Variants in TRPM7 observed in about 807,000 individuals in gnomAD.
TRPM7 encodes the protein transient receptor potential cation channel subfamily M member 7.
Under a neutral mutation model 229.7 loss-of-function variants are expected in TRPM7, and 134 were observed. The observed-to-expected ratio is 0.58, with a 90% confidence interval of 0.51 to 0.67. TRPM7 has a LOEUF of 0.67. Among genes scored for constraint, TRPM7 ranks in the 30% least tolerant of loss-of-function variants. TRPM7 has a pLI of 0.00. For synonymous variants in TRPM7, 699 were observed against 715.2 expected (o/e 0.98, Z 0.36); for missense variants, 1,901 against 2,210.0 (o/e 0.86, Z 2.80).
intron 38 of TRPM7, among the ~76,000 whole-genome samples, chr15:50,565,425 T>C (rs967564843): frequency 4.6e-5 from 7 of 152,260 alleles, no homozygotes; most frequent in Middle Eastern, 3.4e-3. Flanking sequence ...ATGAAAACAT[T>C]AATCAAAAGA....
chr15:50,684,996 T>A (rs963436220), intron 1 of TRPM7, among the ~76,000 whole-genome samples: 2 of 152,236 alleles, frequency 1.3e-5, no homozygotes, highest in Non-Finnish European at 2.9e-5. Context: ...AGTCCTTGTC[T>A]TTTTAGACAT....
intron 38 of TRPM7, among the ~76,000 whole-genome samples, chr15:50,569,218 G>T (rs1297649376): frequency 6.6e-6 from 1 of 151,954 alleles, no homozygotes; most frequent in Non-Finnish European, 1.5e-5. Context: ...TTTTTTTAAA[G>T]TTCCACAGGG....
intron 31 of TRPM7, among the ~76,000 whole-genome samples, chr15:50,577,856 T>A (rs569410368): frequency 1.3e-5 from 2 of 152,298 alleles, no homozygotes; most frequent in South Asian, 4.1e-4. Flanking sequence ...TATATTTACA[T>A]AAGAAAATTT....
In TRPM7 at chr15:50,574,387, T is replaced by C. The variant is rs2054038357; in HGVS notation, c.5195A>G (p.Asn1732Ser). 6.2e-7 allele frequency: 1 copy of C among 1,613,798 alleles called. No homozygotes were observed. Reference sequence around the variant, plus strand: ...TGGAATAATCTCATCTCCATTATTATTGTTGTATTTTCTAAATTCTCCAGT... The same window carrying C: ...TGGAATAATCTCATCTCCATTATTACTGTTGTATTTTCTAAATTCTCCAGT... Reference protein sequence around the residue: ...CMTGEFRKYNNNNGDEIIPTN... With the variant: ...CMTGEFRKYNSNNGDEIIPTN... The change falls in exon 36 of 39, where the codon AAT (asparagine) becomes AGT (serine). Residue 1732 changes from asparagine to serine, a missense_variant. Coordinates refer to ENST00000646667, the MANE Select transcript of TRPM7 (RefSeq NM_017672.6).
intron 4 of TRPM7, among the ~76,000 whole-genome samples, chr15:50,644,797 CAAAAA>C (rs201997665): frequency 1.7e-3 from 107 of 64,824 alleles, no homozygotes; most frequent in African/African-American, 8.8e-3. Flanking sequence ...AACTGCGTCT[CAAAAA>C]AAAAAAAAAA....
At chr15:50,598,149 A>G (rs1482063829) in intron 22 of TRPM7, among the ~76,000 whole-genome samples, 1 of 152,168 alleles carries the variant, frequency 6.6e-6, no homozygotes, top group Non-Finnish European at 1.5e-5. Flanking sequence ...GGAAGGGAGT[A>G]ACACAGATAT....
intron 1 of TRPM7, among the ~76,000 whole-genome samples, chr15:50,679,539 T>TA (rs1491586861): frequency 0.012 from 276 of 22,212 alleles, 1 homozygote; most frequent in Middle Eastern, 0.025. Context: ...TATATATATA[T>TA]TTTTTTTTTT....
chr15:50,649,159 A>C (rs972042690), intron 3 of TRPM7, among the ~76,000 whole-genome samples: 1 of 152,194 alleles, frequency 6.6e-6, no homozygotes, highest in Non-Finnish European at 1.5e-5. Flanking sequence ...AATAGTATTT[A>C]CACCGGCTGT....
At position 50,578,655 on chromosome 15, in the gene TRPM7, T is replaced by C. The variant is rs773998246; in HGVS notation, c.4602A>G (p.Glu1534=). ...CAGACTCACCATTTAATGTTCCTTC[T>C]TCAGATGGCCTAAAGAAACACCAAA... ...DRPSNREMPS[E]EGTLNGLTSP... is the part of the protein sequence containing the mutation. The change falls in exon 31 of 39, where the codon GAA becomes GAG. Residue 1534 remains glutamate, a synonymous_variant. Transcript: ENST00000646667. 3 of 1,609,208 alleles carry C rather than the reference T, an allele frequency of 1.9e-6. No homozygotes were observed. Among genetic ancestry groups the C allele is most frequent in the Admixed American group, 1.7e-5 (1 of 59,908 alleles).
In TRPM7 at chr15:50,561,652, A is replaced by G; in HGVS notation, c.*26T>C. Reference sequence around the variant, plus strand: ...GTAACATTTCTGTGAGGTGCAGGCAAAACCAATGATTCAGTAATATTAATA... The same window carrying G: ...GTAACATTTCTGTGAGGTGCAGGCAGAACCAATGATTCAGTAATATTAATA... On this transcript the variant is annotated 3_prime_UTR_variant, in exon 39 of 39. Transcript: ENST00000646667. 1 of 1,601,178 alleles carries G rather than the reference A, an allele frequency of 6.2e-7. No homozygotes were observed. The highest frequency in any genetic ancestry group is 8.5e-7 in the Non-Finnish European group (1 of 1,176,870).
In TRPM7 at chr15:50,643,232, T is replaced by C. The variant is rs1429000017; in HGVS notation, c.535+108A>G. 2.7e-5 allele frequency: 23 copies of C among 863,688 alleles called. No homozygotes were observed. In the East Asian group the frequency reaches 5.6e-4, roughly 21 times the overall value. 53.5% of individuals were successfully genotyped at this position (863,688 alleles called of 1,614,324 possible). ...TGAGCCCGGGAGGCAGAGGTTGCAG[T>C]GAGCCGAGATTGTGCCATTGCACTC... On this transcript the variant is annotated intron_variant, in intron 5 of 38. Transcript: ENST00000646667.
rs1213488196 is a variant in TRPM7 at position 50,592,574 on chromosome 15, T to C, written c.3661A>G (p.Ile1221Val). ...TCTAATGATTGTAATGATCTTTTTA[T>C]GTAGTTGACACGATCTCCAACTTCT... Reference protein sequence around the residue: ...IKEVGDRVNYIKRSLQSLDSQ... With the variant: ...IKEVGDRVNYVKRSLQSLDSQ... Residue 1221 changes from isoleucine to valine, a missense_variant, in exon 26 of 39, where the codon ATA becomes GTA. This residue lies in a region of TRPM7 where 533 missense variants were observed against 497.1 expected (regional missense o/e 1.07). Transcript: ENST00000646667. The C allele has an allele frequency of 2.5e-6, 4 of 1,608,412 alleles. No homozygotes were observed. The highest frequency in any genetic ancestry group is 1.3e-5 in the African/African-American group (1 of 74,930).
chr15:50,592,803 A>G (rs1381260563), intron 25 of TRPM7, among the ~76,000 whole-genome samples, 177 bp from the exon 26 acceptor site: 1 of 152,218 alleles, frequency 6.6e-6, no homozygotes, highest in African/African-American at 2.4e-5. Flanking sequence ...AGAAGGATCC[A>G]GTGCTAATCT....
chr15:50,639,459 C>T lies in TRPM7; in HGVS notation c.625G>A (p.Val209Met). 6.2e-7 allele frequency: 1 copy of T among 1,607,526 alleles called. No individual in the cohort carries two copies. Among genetic ancestry groups the T allele is most frequent in the South Asian group, 1.1e-5 (1 of 89,716 alleles). ...ICTIGIAPWG[V>M]IENRNDLVGR... ...ACAAGATCATTTCTGTTTTCAATCA[C>T]TCCCCATGGAGCTATTCCGATAGTG... The change falls in exon 6 of 39, where the codon GTG (valine) becomes ATG (methionine). Residue 209 changes from valine to methionine, a missense_variant. Transcript: ENST00000646667.
At chr15:50,609,552 C>A (rs749605893) in intron 19 of TRPM7, 29 bp downstream of exon 19, 1 of 1,586,522 alleles carries the variant, frequency 6.3e-7, no homozygotes, top group Non-Finnish European at 8.6e-7. Context: ...CTCTTAAAAA[C>A]ATTATGCTTG....
intron 1 of TRPM7, among the ~76,000 whole-genome samples, chr15:50,672,986 G>C (rs984718972): frequency 2.0e-5 from 3 of 148,146 alleles, no homozygotes; most frequent in Middle Eastern, 3.6e-3. Context: ...TGTTTTATAC[G>C]AAGTGTTATT....
At chr15:50,569,477 G>C (rs1203923662) in intron 38 of TRPM7, among the ~76,000 whole-genome samples, 1 of 152,130 alleles carries the variant, frequency 6.6e-6, no homozygotes, top group African/African-American at 2.4e-5. Context: ...ACCTGGGTTT[G>C]AGTTAAGGGA....
rs80069978 is a variant in TRPM7, at chr15:50,607,361, T to C, written c.2581-33A>G. On this transcript the variant is annotated intron_variant, in intron 19 of 38. Transcript: ENST00000646667. Reference sequence around the variant, plus strand: ...AAAAGTAAAGGTTACATAAATAACATTGGTTACAAAATAAATCTTTTAATT... The same window carrying C: ...AAAAGTAAAGGTTACATAAATAACACTGGTTACAAAATAAATCTTTTAATT... 979 of 1,481,854 alleles carry C rather than the reference T, an allele frequency of 6.6e-4. 6 individuals carry two copies. The African/African-American group carries it at 9.8e-3, about 15-fold the overall frequency. The allele number at this position is 1,481,854 out of a possible 1,614,324, so 91.8% of individuals were successfully genotyped here. A position where few individuals can be genotyped will look rare whatever the true frequency, so the allele number is the denominator to read the frequency against.
intron 1 of TRPM7, among the ~76,000 whole-genome samples, chr15:50,671,063 G>A (rs1483998260): frequency 3.9e-5 from 6 of 152,034 alleles, no homozygotes; most frequent in Non-Finnish European, 7.4e-5. Flanking sequence ...TTTTTTTGTG[G>A]TGAGACCACT....
Sources: gnomAD v4.1 joint callset for allele counts (sites outside exome capture counted in the v4.1 genomes callset) on GRCh38, gnomAD v4.1.1 for gene constraint, gnomAD v4.1.1 regional missense constraint, MANE v1.5 for transcripts, NCBI Gene and HGNC (gene_info 2026-07-23, HGNC 2026-07-21) for gene names.